Variants in EIF4G3 observed in about 807,000 individuals in gnomAD.
The protein encoded by EIF4G3 is eukaryotic translation initiation factor 4 gamma 3.
Under a neutral mutation model 186.4 loss-of-function variants are expected in EIF4G3, and 34 were observed. That is an observed-to-expected ratio of 0.18 (90% CI 0.14 to 0.24). The LOEUF (loss-of-function observed/expected upper bound fraction) is 0.24, where lower values mean the gene tolerates loss of function less well. Ranked by LOEUF, EIF4G3 falls within the 10% of genes least tolerant of loss-of-function variation. The pLI is 1.00. For missense variants in EIF4G3, 1,536 were observed against 1,948.5 expected (o/e 0.79, Z 3.99); for synonymous variants, 673 against 679.5 (o/e 0.99, Z 0.15).
At chr1:20,989,777 A>G (rs2080631989) in intron 7 of EIF4G3, among the ~76,000 whole-genome samples, 1 of 152,196 alleles carries the variant, frequency 6.6e-6, no homozygotes, top group African/African-American at 2.4e-5. Context: ...TAGTTGATAA[A>G]GCAGCAGCAG....
intron 23 of EIF4G3, 26 bp from the exon 24 acceptor site, chr1:20,860,543 C>T: frequency 6.3e-7 from 1 of 1,598,370 alleles, no homozygotes; most frequent in Non-Finnish European, 8.5e-7. Context: ...ATAAGGTTAT[C>T]TGCCAGATAA....
intron 33 of EIF4G3, among the ~76,000 whole-genome samples, chr1:20,820,642 C>A (rs1019567575): frequency 6.6e-6 from 1 of 152,136 alleles, no homozygotes; most frequent in South Asian, 2.1e-4. Context: ...ACCATGGCTG[C>A]CTATGGACCA....
intron 4 of EIF4G3, among the ~76,000 whole-genome samples, chr1:21,035,263 C>T (rs909284682): frequency 6.6e-6 from 1 of 152,216 alleles, no homozygotes; most frequent in African/African-American, 2.4e-5. Context: ...CCTTACCTGC[C>T]GTGGCTATGG....
chr1:20,851,190 G>C, intron 28 of EIF4G3, 68 bp downstream of exon 28: 1 of 1,440,824 alleles, frequency 6.9e-7, no homozygotes. Context: ...CTCAGGCACA[G>C]TCTCTTTTTT....
intron 33 of EIF4G3, among the ~76,000 whole-genome samples, chr1:20,824,706 A>C (rs1476003375): frequency 6.6e-6 from 1 of 152,144 alleles, no homozygotes; most frequent in African/African-American, 2.4e-5. Context: ...TCAAGCTATA[A>C]GCTTGTCTCT....
intron 2 of EIF4G3, among the ~76,000 whole-genome samples, chr1:21,098,531 C>A (rs1229590832): frequency 9.9e-6 from 1 of 101,370 alleles, no homozygotes; most frequent in Non-Finnish European, 1.9e-5. Context: ...CAGAGCGAGG[C>A]CCTGTCTCGA....
At chr1:21,111,437 G>GT (rs1401668595) in intron 2 of EIF4G3, 3 of 467,000 alleles carry the variant, frequency 6.4e-6, no homozygotes, top group African/African-American at 6.0e-5. Context: ...ATACTAAGCA[G>GT]TATTTCATTA....
At position 20,827,670 on chromosome 1, in the gene EIF4G3, C is replaced by T. The variant is rs746703453; in HGVS notation, c.4216G>A (p.Gly1406Arg). The T allele has an allele frequency of 9.9e-6, 16 of 1,612,242 alleles. No homozygotes were observed. The highest frequency in any genetic ancestry group is 1.4e-5 in the Non-Finnish European group (16 of 1,178,578). The change falls in exon 32 of 37, where the codon GGA becomes AGA. Residue 1406 changes from glycine to arginine, a missense_variant. Physicochemically the swap from Gly to Arg is moderately radical, Grantham distance 125 (BLOSUM62 -2). This residue lies in a region of EIF4G3 where 395 missense variants were observed against 498.9 expected (regional missense o/e 0.79). Transcript: ENST00000602326. ...TCAGATAGCAAGACCCCAGCTCTTC[C>T]AACAGGAAGTAAAGGTTTGCTAAAT... ...IEFSKPLLPVGRAGVLLSEIL... is the reference protein window; with the variant it reads ...IEFSKPLLPVRRAGVLLSEIL...
chr1:20,963,035 C>G (rs2073773404), intron 12 of EIF4G3, among the ~76,000 whole-genome samples: 3 of 151,432 alleles, frequency 2.0e-5, no homozygotes, highest in Admixed American at 2.0e-4. Flanking sequence ...TACAGGCGTG[C>G]ACCACCATGT....
At chr1:21,008,503 A>G (rs935785709) in intron 4 of EIF4G3, among the ~76,000 whole-genome samples, 2 of 151,808 alleles carry the variant, frequency 1.3e-5, no homozygotes, top group African/African-American at 4.8e-5. Context: ...CGCCCGGCTA[A>G]TTTTTTTATA....
chr1:21,129,560 G>C lies in EIF4G3; in HGVS notation c.-271-40347C>G, dbSNP rs539770439. ...CCCATCTGATGGAACAGGAGTGCAA[G>C]AGGTAGATCCTCCACAGCTAGGAAC... is the stretch of plus-strand genomic sequence containing the variant. On this transcript the variant is annotated intron_variant, in intron 2 of 36. Transcript: ENST00000602326. Among the ~76,000 whole-genome samples the C allele has an allele frequency of 1.2e-3, 182 of 151,590 alleles. 3 individuals carry two copies. The South Asian group carries it at 0.036, about 30-fold the overall frequency.
At chr1:20,840,647 A>C (rs768796813) in intron 30 of EIF4G3, among the ~76,000 whole-genome samples, 2 of 152,226 alleles carry the variant, frequency 1.3e-5, no homozygotes, top group Non-Finnish European at 2.9e-5. Flanking sequence ...AGAAAACCAA[A>C]AGATAACCTT....
intron 2 of EIF4G3, among the ~76,000 whole-genome samples, chr1:21,131,135 G>A (rs778351450): frequency 6.6e-6 from 1 of 151,578 alleles, no homozygotes; most frequent in Non-Finnish European, 1.5e-5. Context: ...AGCTACTCAG[G>A]AGGCTGAGTC....
In EIF4G3 at chr1:20,999,072, T is replaced by C. The variant is rs146868837; in HGVS notation, c.145-1439A>G. Among the ~76,000 whole-genome samples, 643 of 152,284 alleles carry C rather than the reference T, an allele frequency of 4.2e-3. 5 individuals carry two copies. Among genetic ancestry groups the C allele is most frequent in the Non-Finnish European group, 4.3e-3 (291 of 68,008 alleles). ...ATTTTAAAATTTCAACAAATTACAGTAGAACACATGGCCACAATGTAGGAG... is the reference window on the plus strand; with the variant it reads ...ATTTTAAAATTTCAACAAATTACAGCAGAACACATGGCCACAATGTAGGAG... On this transcript the variant is annotated intron_variant, in intron 6 of 36. Coordinates refer to ENST00000602326, the MANE Select transcript of EIF4G3 (RefSeq NM_001391906.1).
intron 14 of EIF4G3, among the ~76,000 whole-genome samples, chr1:20,909,493 G>A (rs2092827684): frequency 1.3e-5 from 2 of 151,926 alleles, no homozygotes; most frequent in African/African-American, 4.8e-5. Flanking sequence ...TACACCCATT[G>A]AAGAGCACTT....
At position 20,934,516 on chromosome 1, in the gene EIF4G3, C is replaced by T. The variant is rs76381570; in HGVS notation, c.1663+6975G>A. ...AGGGGGCAGAAAGTTAAAAAAAAGGCGTACCCAGTGTCCTCAATGTTCTCA... is the reference window on the plus strand; with the variant it reads ...AGGGGGCAGAAAGTTAAAAAAAAGGTGTACCCAGTGTCCTCAATGTTCTCA... On this transcript the variant is annotated intron_variant, in intron 14 of 36. Transcript: ENST00000602326. Among the ~76,000 whole-genome samples, 644 of 152,142 alleles carry T rather than the reference C, an allele frequency of 4.2e-3. 4 individuals carry two copies. The highest frequency in any genetic ancestry group is 0.015 in the African/African-American group (606 of 41,510).
chr1:20,864,981 G>A (rs1483285909), intron 21 of EIF4G3, 135 bp downstream of exon 21: 9 of 997,664 alleles, frequency 9.0e-6, no homozygotes, highest in Non-Finnish European at 1.3e-5. Flanking sequence ...ACATTAATAT[G>A]TTGTTTCTAC....
intron 20 of EIF4G3, among the ~76,000 whole-genome samples, chr1:20,873,260 C>T (rs2079732192): frequency 6.6e-6 from 1 of 152,140 alleles, no homozygotes; most frequent in Admixed American, 6.5e-5. Context: ...ACGATTTATC[C>T]ATTCTACTAT....
chr1:21,136,838 T>C (rs1022587907), intron 2 of EIF4G3, among the ~76,000 whole-genome samples: 5 of 152,322 alleles, frequency 3.3e-5, no homozygotes, highest in East Asian at 1.9e-4. Flanking sequence ...CACTGTTCAA[T>C]AGGTAGCCTC....
Sources: gnomAD v4.1 joint callset for allele counts (sites outside exome capture counted in the v4.1 genomes callset) on GRCh38, gnomAD v4.1.1 for gene constraint, gnomAD v4.1.1 regional missense constraint, MANE v1.5 for transcripts, NCBI Gene and HGNC (gene_info 2026-07-23, HGNC 2026-07-21) for gene names.